The following USH2A variants were observed in gnomAD, a reference collection of about 807,000 sequenced individuals.
The protein encoded by USH2A is usherin.
Under a neutral mutation model 538.9 loss-of-function variants are expected in USH2A, and 443 were observed. The observed-to-expected ratio is 0.82, with a 90% CI of 0.76 to 0.89. USH2A has a LOEUF of 0.89. Among genes scored for constraint, USH2A ranks in the 40% least tolerant of loss-of-function variants. The probability of loss-of-function intolerance (pLI) is 0.00; values close to 1 mark genes in which losing one functional copy is unlikely to be tolerated. For missense variants in USH2A, 6,633 were observed against 6,324.8 expected, an observed-to-expected ratio of 1.05 and a Z score of -1.65; for synonymous variants, 2,413 against 2,273.5, an observed-to-expected ratio of 1.06 and a Z score of -1.75.
Position 215,625,767 on chromosome 1 carries a change from T to G in USH2A, c.*14A>C. The G allele has an allele frequency of 3.7e-6, 6 of 1,613,834 alleles. No homozygotes were observed. The highest frequency in any genetic ancestry group is 4.2e-6 in the Non-Finnish European group (5 of 1,179,726). On this transcript the variant is annotated 3_prime_UTR_variant, in exon 72 of 72. Coordinates refer to ENST00000307340, the MANE Select transcript of USH2A (RefSeq NM_206933.4). ...CCTTGCATTCCAGGGTTACGTCTTC[T>G]GGGTTTCCATCCTTTACAGGTGGGT...
At chr1:216,259,608 A>T (rs2036327823) in intron 11 of USH2A, among the ~76,000 whole-genome samples, 1 of 152,142 alleles carries the variant, frequency 6.6e-6, no homozygotes, top group Non-Finnish European at 1.5e-5. Context: ...TAAAATTAAG[A>T]CACGATTTAT....
intron 43 of USH2A, among the ~76,000 whole-genome samples, chr1:215,867,915 G>A (rs1664521704): frequency 6.6e-6 from 1 of 152,032 alleles, no homozygotes; most frequent in Non-Finnish European, 1.5e-5. Context: ...CCAGTTTTGG[G>A]CAGAAGACCA....
intron 32 of USH2A, among the ~76,000 whole-genome samples, chr1:216,008,722 C>G (rs1358771603): frequency 6.6e-6 from 1 of 152,208 alleles, no homozygotes; most frequent in Non-Finnish European, 1.5e-5. Flanking sequence ...TCTTCTTACT[C>G]TCTTCTCCAA....
At chr1:215,852,930 G>A (rs1250275786) in intron 44 of USH2A, among the ~76,000 whole-genome samples, 3 of 152,166 alleles carry the variant, frequency 2.0e-5, no homozygotes, top group African/African-American at 7.2e-5. Context: ...CATTGTCTGT[G>A]CTTTTCCAGG....
At chr1:215,861,196 T>C (rs1008329552) in intron 44 of USH2A, among the ~76,000 whole-genome samples, 3 of 152,244 alleles carry the variant, frequency 2.0e-5, no homozygotes, top group Admixed American at 6.5e-5. Flanking sequence ...ACTCCAGAGC[T>C]ACTTTAGTCT....
chr1:216,279,547 T>C (rs773913413), intron 11 of USH2A, among the ~76,000 whole-genome samples: 7 of 152,132 alleles, frequency 4.6e-5, no homozygotes, highest in Non-Finnish European at 8.8e-5. Flanking sequence ...TTGTATCATC[T>C]GGGAACTTTT....
At chr1:215,693,592 A>G (rs1658694759) in intron 61 of USH2A, among the ~76,000 whole-genome samples, 1 of 152,156 alleles carries the variant, frequency 6.6e-6, no homozygotes, top group African/African-American at 2.4e-5. Flanking sequence ...GAAGATCCCA[A>G]AGAACTTTTG....
At position 215,956,771 on chromosome 1, in the gene USH2A, G is replaced by T. The variant is rs530341921; in HGVS notation, c.7120+8546C>A. ...AGATATCAGACAAATTCAATAAGCT[G>T]CTGTGTGAGTGTTGAGAACAGATGA... On this transcript the variant is annotated intron_variant, in intron 37 of 71. Transcript: ENST00000307340. 3.9e-4 allele frequency among the ~76,000 whole-genome samples: 59 copies of T among 152,278 alleles called. 1 individual carries two copies. The highest frequency in any genetic ancestry group is 1.7e-3 in the South Asian group (8 of 4,824).
chr1:216,411,536 G>T (rs11590017), intron 3 of USH2A, among the ~76,000 whole-genome samples: 2,182 of 152,254 alleles, frequency 0.014, 29 homozygotes, highest in Middle Eastern at 0.037. Flanking sequence ...ATATGATAAT[G>T]CAGACAGAGG....
intron 3 of USH2A, among the ~76,000 whole-genome samples, chr1:216,387,581 C>T (rs1247394072): frequency 6.6e-6 from 1 of 152,154 alleles, no homozygotes; most frequent in Non-Finnish European, 1.5e-5. Flanking sequence ...TAATACAGTA[C>T]ATTGTCTCAA....
chr1:215,924,936 A>G (rs1180469321), intron 38 of USH2A, among the ~76,000 whole-genome samples: 4 of 152,222 alleles, frequency 2.6e-5, no homozygotes, highest in African/African-American at 7.2e-5. Context: ...GTCCATAGTA[A>G]GCACACTTCA....
At chr1:216,066,824 G>C (rs1207931277) in intron 30 of USH2A, among the ~76,000 whole-genome samples, 1 of 152,126 alleles carries the variant, frequency 6.6e-6, no homozygotes, top group East Asian at 1.9e-4. Flanking sequence ...CATTTCATAG[G>C]TTAGGACTTT....
intron 11 of USH2A, among the ~76,000 whole-genome samples, chr1:216,251,814 T>C (rs1382160353): frequency 2.0e-5 from 3 of 152,190 alleles, no homozygotes; most frequent in Non-Finnish European, 4.4e-5. Flanking sequence ...GGTATTTAAA[T>C]TAAGGGAGAA....
At chr1:215,656,309 G>A (rs766428868) in intron 64 of USH2A, among the ~76,000 whole-genome samples, 1 of 151,940 alleles carries the variant, frequency 6.6e-6, no homozygotes, top group Non-Finnish European at 1.5e-5. Flanking sequence ...TTTCCTTTAT[G>A]GTATCATAAG....
Position 216,228,763 on chromosome 1 carries a change from C to T in USH2A, c.2993+3190G>A, listed in dbSNP as rs1049597711. Among the ~76,000 whole-genome samples, 5 of 152,120 alleles carry T rather than the reference C, an allele frequency of 3.3e-5. 1 individual carries two copies. The highest frequency in any genetic ancestry group is 1.3e-4 in the Admixed American group (2 of 15,264). ...CTAATACAGGGATGGAAGAAAAGTG[C>T]GACCATTTCCAAGGACAATTTGTAA... On this transcript the variant is annotated intron_variant, in intron 14 of 71. Coordinates refer to ENST00000307340, the MANE Select transcript of USH2A (RefSeq NM_206933.4).
intron 11 of USH2A, among the ~76,000 whole-genome samples, chr1:216,255,700 G>T (rs981515455): frequency 1.3e-5 from 2 of 152,114 alleles, no homozygotes; most frequent in African/African-American, 4.8e-5. Context: ...GGTGTAGTTT[G>T]CTGCTCTGTT....
intron 11 of USH2A, among the ~76,000 whole-genome samples, 178 bp from the exon 12 acceptor site, chr1:216,251,276 CA>C (rs1325299547): frequency 6.6e-6 from 1 of 151,530 alleles, no homozygotes; most frequent in African/African-American, 2.4e-5. Context: ...GGGGAATATA[CA>C]GAACTGAATG....
Position 215,910,464 on chromosome 1 carries a change from A to T in USH2A, c.7301-9559T>A, listed in dbSNP as rs112697380. Among the ~76,000 whole-genome samples, 31 of 152,124 alleles carry T rather than the reference A, an allele frequency of 2.0e-4. 1 individual carries two copies. The highest frequency in any genetic ancestry group is 7.2e-4 in the African/African-American group (30 of 41,536). Reference sequence around the variant, plus strand: ...CTTCATCAACGAAAGAAAGATTAAGATGGTATATATTTCATAGAGTGTGGT... The same window carrying T: ...CTTCATCAACGAAAGAAAGATTAAGTTGGTATATATTTCATAGAGTGTGGT... On this transcript the variant is annotated intron_variant, in intron 38 of 71. Transcript: ENST00000307340.
Position 216,271,911 on chromosome 1 carries a change from C to T in USH2A, c.1971+17369G>A, listed in dbSNP as rs189630217. The stretch of plus-strand genomic sequence containing the variant: ...ATTATATATTGCAGGATTCCATTTG[C>T]TAATATGCTGTTAAGGTATTTTACA... On this transcript the variant is annotated intron_variant, in intron 11 of 71. Transcript: ENST00000307340. 2.1e-3 allele frequency among the ~76,000 whole-genome samples: 318 copies of T among 152,178 alleles called. 1 individual carries two copies. Among genetic ancestry groups the T allele is most frequent in the South Asian group, 0.014 (67 of 4,828 alleles).
Sources: gnomAD v4.1 joint callset for allele counts (sites outside exome capture counted in the v4.1 genomes callset) on GRCh38, gnomAD v4.1.1 for gene constraint, MANE v1.5 for transcripts, NCBI Gene and HGNC (gene_info 2026-07-23, HGNC 2026-07-21) for gene names.